The following PLAGL1 variants were observed in gnomAD, a reference collection of about 807,000 sequenced individuals.
The protein encoded by PLAGL1 is zinc finger protein PLAGL1.
PLAGL1 carries 1 observed loss-of-function variant against 4.6 expected under a neutral mutation model. That is an observed-to-expected ratio of 0.22 (90% CI 0.08 to 1.03). The LOEUF is 1.03. Ranked by LOEUF, PLAGL1 falls within the 50% of genes least tolerant of loss-of-function variation. PLAGL1 has a pLI of 0.58. For missense variants in PLAGL1, 464 were observed against 570.4 expected (o/e 0.81, Z 1.90); for synonymous variants, 240 against 237.8 (o/e 1.01, Z -0.08).
chr6:143,974,400 G>T lies in PLAGL1; in HGVS notation c.-543-5422C>A, dbSNP rs569949582. On this transcript the variant is annotated intron_variant, in intron 2 of 7. Coordinates refer to ENST00000674357, the MANE Select transcript of PLAGL1 (RefSeq NM_001317162.2). ...ACTGATCTCGGTGGTGGGGTTGCGG[G>T]GGAGGTCACCAGTGACCTCCAGGGC... 7.9e-3 allele frequency among the ~76,000 whole-genome samples: 1,004 copies of T among 127,330 alleles called. 45 individuals carry two copies. In the East Asian group the frequency reaches 0.13, roughly 17 times the overall value. The allele number at this position is 127,330 out of a possible 152,430, so 83.5% of individuals were successfully genotyped here. A position where few individuals can be genotyped will look rare whatever the true frequency, so the allele number is the denominator to read the frequency against.
rs1405273379 is a variant in PLAGL1, at chr6:144,039,341, T to C, written c.-151+25127A>G. 1.3e-5 allele frequency among the ~76,000 whole-genome samples: 2 copies of C among 152,130 alleles called. No homozygotes were observed. The highest frequency in any genetic ancestry group is 2.9e-5 in the Non-Finnish European group (2 of 68,028). On this transcript the variant is annotated intron_variant, in intron 1 of 3. Coordinates refer to the PLAGL1 transcript ENST00000437412. The surrounding 1 kb of genome is among the most constrained non-coding windows in gnomAD (Gnocchi z 4.1). ...GGCTCACACCTGTAATCTCAACACT[T>C]TGGGAGGCAGAAGTGGGTGGATCAT... is the stretch of plus-strand genomic sequence containing the variant.
intron 1 of PLAGL1, among the ~76,000 whole-genome samples, chr6:144,001,190 A>G (rs1562540182): frequency 6.6e-6 from 1 of 152,120 alleles, no homozygotes; most frequent in African/African-American, 2.4e-5. Context: ...AAAAAAAATA[A>G]AAATTTTTAA....
Position 143,984,696 on chromosome 6 carries a change from T to C in PLAGL1, c.-544+439A>G, listed in dbSNP as rs1040224924. The stretch of plus-strand genomic sequence containing the variant: ...TGAAAAACAAAACCATCTCAGAAAA[T>C]AACTTCTCAAAGATGTATTTAAAAT... On this transcript the variant is annotated intron_variant, in intron 2 of 7. Coordinates refer to ENST00000674357, the MANE Select transcript of PLAGL1 (RefSeq NM_001317162.2). The surrounding 1 kb of genome is among the most constrained non-coding windows in gnomAD (Gnocchi z 5.5). Among the ~76,000 whole-genome samples the C allele has an allele frequency of 5.9e-5, 9 of 152,274 alleles. No homozygotes were observed. The highest frequency in any genetic ancestry group is 1.9e-4 in the African/African-American group (8 of 41,562).
rs747970925 is a variant in PLAGL1 at position 144,027,226 on chromosome 6, AGAAC to A, written c.-151+37238_-151+37241del. On this transcript the variant is annotated intron_variant, in intron 1 of 3. Coordinates refer to the PLAGL1 transcript ENST00000437412. The surrounding 1 kb of genome is among the most constrained non-coding windows in gnomAD (Gnocchi z 5.8). ...GTGACAGAGAAAGACCCCAACTCAA[AGAAC>A]GAACGAAAGAAAGAAAGAAAGAAAG... Among the ~76,000 whole-genome samples the A allele has an allele frequency of 0.017, 2,252 of 129,574 alleles. 119 individuals carry two copies. The highest frequency in any genetic ancestry group is 0.024 in the African/African-American group (772 of 32,824). 85.0% of individuals were successfully genotyped at this position (129,574 alleles called of 152,430 possible). A position where few individuals can be genotyped will look rare whatever the true frequency, so the allele number is the denominator to read the frequency against.
rs1333700887 is a variant in PLAGL1 at position 143,952,526 on chromosome 6, CT to C, written c.-324-4067del. On this transcript the variant is annotated intron_variant, in intron 6 of 7. Transcript: ENST00000674357. The surrounding 1 kb of genome is among the most constrained non-coding windows in gnomAD (Gnocchi z 6.1). Reference sequence around the variant, plus strand: ...GAAGGCTTGTGCCATCTGCTTCGTTCTGCTCATGTTGATTATTTTGGGGATG... The same window carrying C: ...GAAGGCTTGTGCCATCTGCTTCGTTCGCTCATGTTGATTATTTTGGGGATG... Among the ~76,000 whole-genome samples the C allele has an allele frequency of 7.2e-5, 11 of 152,182 alleles. No homozygotes were observed.
chr6:144,012,653 C>A (rs753506320), upstream of PLAGL1, among the ~76,000 whole-genome samples: 2 of 152,036 alleles, frequency 1.3e-5, no homozygotes, highest in African/African-American at 4.8e-5. This position sits in a 1 kb window ranked among gnomAD's most constrained non-coding sequence, Gnocchi z 4.8. Context: ...CCTTTTTTAT[C>A]TTTAGGTTAT....
intron 2 of PLAGL1, among the ~76,000 whole-genome samples, chr6:143,969,195 G>C (rs1001592209): frequency 6.6e-6 from 1 of 151,932 alleles, no homozygotes; most frequent in Non-Finnish European, 1.5e-5. Flanking sequence ...GTTTTAGAGA[G>C]GCTATACAGT....
chr6:143,962,628 C>A lies in PLAGL1; in HGVS notation c.-398-2086G>T, dbSNP rs771902861. On this transcript the variant is annotated intron_variant, in intron 5 of 7. Transcript: ENST00000674357. The surrounding 1 kb of genome is among the most constrained non-coding windows in gnomAD (Gnocchi z 5.3). ...TTTTCTAGGCATTTGCTTCTGAGAA[C>A]AGCATTTAAGAACCCGTCTTTTTCT... Among the ~76,000 whole-genome samples, 1 of 152,234 alleles carries A rather than the reference C, an allele frequency of 6.6e-6. No homozygotes were observed. Among genetic ancestry groups the A allele is most frequent in the African/African-American group, 2.4e-5 (1 of 41,456 alleles).
intron 1 of PLAGL1, among the ~76,000 whole-genome samples, chr6:144,020,297 G>A (rs528996675): frequency 3.3e-5 from 5 of 152,022 alleles, no homozygotes; most frequent in Admixed American, 3.3e-4. Context: ...TTGTTTGTTT[G>A]TTTGTTTAGA....
Position 144,013,493 on chromosome 6 carries a change from G to A in PLAGL1, c.-150-44515C>T, listed in dbSNP as rs1389672286. ...AGTGGCTATATTTTATCCTATAGCTGCCATAACAAATTACCACAAACTGGT... is the reference window on the plus strand; with the variant it reads ...AGTGGCTATATTTTATCCTATAGCTACCATAACAAATTACCACAAACTGGT... On this transcript the variant is annotated intron_variant, in intron 1 of 3. Transcript: ENST00000437412. The surrounding 1 kb of genome is among the most constrained non-coding windows in gnomAD (Gnocchi z 4.4). 6.6e-6 allele frequency among the ~76,000 whole-genome samples: 1 copy of A among 152,204 alleles called. No homozygotes were observed. The highest frequency in any genetic ancestry group is 1.5e-5 in the Non-Finnish European group (1 of 68,036).
intron 1 of PLAGL1, among the ~76,000 whole-genome samples, chr6:144,038,856 T>C (rs1797488067): frequency 6.6e-6 from 1 of 152,124 alleles, no homozygotes; most frequent in Non-Finnish European, 1.5e-5. Context: ...GATGACTAAA[T>C]GAAAAAGTCA....
At chr6:143,986,880 C>G (rs531228483) in intron 1 of PLAGL1, among the ~76,000 whole-genome samples, 2 of 152,214 alleles carry the variant, frequency 1.3e-5, no homozygotes, top group South Asian at 4.2e-4. Flanking sequence ...CCTGGATGAT[C>G]TAAGTTCAAG....
At position 144,034,107 on chromosome 6, in the gene PLAGL1, G is replaced by T. The variant is rs998908635; in HGVS notation, c.-151+30361C>A. 6.6e-6 allele frequency among the ~76,000 whole-genome samples: 1 copy of T among 152,206 alleles called. No homozygotes were observed. Among genetic ancestry groups the T allele is most frequent in the African/African-American group, 2.4e-5 (1 of 41,448 alleles). On this transcript the variant is annotated intron_variant, in intron 1 of 3. Coordinates refer to the PLAGL1 transcript ENST00000437412. The surrounding 1 kb of genome is among the most constrained non-coding windows in gnomAD (Gnocchi z 4.7). ...CAATTTTCCTGGAGTCTTTTATACTGTTAATTACATCTCCATGCAGGGCTG... is the reference window on the plus strand; with the variant it reads ...CAATTTTCCTGGAGTCTTTTATACTTTTAATTACATCTCCATGCAGGGCTG...
chr6:143,998,084 C>T (rs1292437126), intron 1 of PLAGL1, among the ~76,000 whole-genome samples: 1 of 152,134 alleles, frequency 6.6e-6, no homozygotes, highest in East Asian at 1.9e-4. Context: ...TGTGGCTAAA[C>T]TTTACAGTTT....
intron 1 of PLAGL1, among the ~76,000 whole-genome samples, chr6:144,028,069 C>A (rs1335190775): frequency 6.6e-6 from 1 of 152,156 alleles, no homozygotes; most frequent in East Asian, 1.9e-4. Flanking sequence ...GGTTCTTTAT[C>A]ACTCTTACTA....
At chr6:144,054,776 AGTGTGTGTGTGTGTGTGTGTGTGTGTGT>A (rs55975441) in intron 1 of PLAGL1, among the ~76,000 whole-genome samples, 1 of 142,184 alleles carries the variant, frequency 7.0e-6, no homozygotes, top group Non-Finnish European at 1.5e-5. Context: ...ACTAAAAAAG[AGTGTGTGTGTGTGTGTGTGTGTGTGTGT>A]GTGTGTGTGT....
chr6:144,028,819 A>AT (rs938538085), intron 1 of PLAGL1, among the ~76,000 whole-genome samples: 75 of 152,238 alleles, frequency 4.9e-4, no homozygotes, highest in African/African-American at 1.7e-3. Context: ...ATGATGCTGT[A>AT]TTTTTTTCTT....
Position 144,053,253 on chromosome 6 carries a change from G to A in PLAGL1, c.-151+11215C>T, listed in dbSNP as rs1798710125. Among the ~76,000 whole-genome samples the A allele has an allele frequency of 6.6e-6, 1 of 152,086 alleles. No homozygotes were observed. Among genetic ancestry groups the A allele is most frequent in the Non-Finnish European group, 1.5e-5 (1 of 68,020 alleles). On this transcript the variant is annotated intron_variant, in intron 1 of 3. Transcript: ENST00000437412. The surrounding 1 kb of genome is among the most constrained non-coding windows in gnomAD (Gnocchi z 4.0). Reference sequence around the variant, plus strand: ...GGGTTCAAGCAATTCTCCTGCCTCAGTCTCCTGAGTACCTGGGATTACAGG... The same window carrying A: ...GGGTTCAAGCAATTCTCCTGCCTCAATCTCCTGAGTACCTGGGATTACAGG...
At chr6:144,062,470 C>CAAAAAAAAAAAAAAAA (rs543521128) in intron 1 of PLAGL1, among the ~76,000 whole-genome samples, 2 of 75,702 alleles carry the variant, frequency 2.6e-5, no homozygotes, top group African/African-American at 5.2e-5. Context: ...GTTATCAGAC[C>CAAAAAAAAAAAAAAAA]AAAAAAAAAA....
Sources: gnomAD v4.1 joint callset for allele counts (sites outside exome capture counted in the v4.1 genomes callset) on GRCh38, gnomAD v4.1.1 for gene constraint, Gnocchi (gnomAD v3.1) non-coding constraint, MANE v1.5 for transcripts, NCBI Gene and HGNC (gene_info 2026-07-23, HGNC 2026-07-21) for gene names.